SPOCK1: variants seen among roughly 807,000 people sequenced by gnomAD.
SPOCK1 encodes SPARC (osteonectin), cwcv and kazal like domains proteoglycan 1.
A neutral mutation model predicts 55.3 loss-of-function variants in SPOCK1; 23 were observed. That is an observed-to-expected ratio of 0.42 (90% CI 0.30 to 0.59). The LOEUF (loss-of-function observed/expected upper bound fraction) is 0.59, where lower values mean the gene tolerates loss of function less well. Among genes scored for constraint, SPOCK1 ranks in the 20% least tolerant of loss-of-function variants. The pLI is 0.22. For missense variants in SPOCK1, 499 were observed against 552.5 expected (o/e 0.90, Z 0.97); for synonymous variants, 226 against 221.0 (o/e 1.02, Z -0.20).
chr5:137,178,135 C>T (rs182383838), intron 3 of SPOCK1, among the ~76,000 whole-genome samples: 396 of 152,324 alleles, frequency 2.6e-3, no homozygotes, highest in Middle Eastern at 0.01. Flanking sequence ...CTCCAAGAAG[C>T]CTCCCAGATC....
intron 6 of SPOCK1, among the ~76,000 whole-genome samples, chr5:137,009,893 A>G (rs1295725060): frequency 6.6e-6 from 1 of 151,934 alleles, no homozygotes; most frequent in African/African-American, 2.4e-5. Context: ...CCTAATTTGT[A>G]AAAGGAGAAT....
At chr5:137,179,434 C>T (rs2127063296) in intron 3 of SPOCK1, among the ~76,000 whole-genome samples, 1 of 152,294 alleles carries the variant, frequency 6.6e-6, no homozygotes, top group Admixed American at 6.5e-5. Context: ...GAATTACAGG[C>T]TCCCAGGGCT....
intron 6 of SPOCK1, among the ~76,000 whole-genome samples, chr5:137,042,555 T>G (rs4035069): frequency 6.6e-6 from 1 of 152,032 alleles, no homozygotes; most frequent in Non-Finnish European, 1.5e-5. Flanking sequence ...ACCTGTGTAG[T>G]TTTGGAAATG....
chr5:137,009,265 G>A (rs1298659886), intron 6 of SPOCK1, among the ~76,000 whole-genome samples: 1 of 152,152 alleles, frequency 6.6e-6, no homozygotes, highest in Non-Finnish European at 1.5e-5. Context: ...ATTTGAAGTA[G>A]CATGTATAAG....
intron 4 of SPOCK1, among the ~76,000 whole-genome samples, chr5:137,137,505 C>T (rs1355802270): frequency 6.6e-6 from 1 of 152,170 alleles, no homozygotes; most frequent in Non-Finnish European, 1.5e-5. Flanking sequence ...GACATAACAA[C>T]CACAACAAAC....
chr5:137,149,299 T>C lies in SPOCK1; in HGVS notation c.233-8605A>G, dbSNP rs192516624. On this transcript the variant is annotated intron_variant, in intron 3 of 10. Transcript: ENST00000394945. ...CAGGAGCTGAGAATGGCCTGGCCTC[T>C]AAGTAGAGAAAAAGATATCATCCAC... Among the ~76,000 whole-genome samples, 3 of 152,340 alleles carry C rather than the reference T, an allele frequency of 2.0e-5. No homozygotes were observed. The East Asian group carries it at 5.8e-4, about 29-fold the overall frequency.
chr5:137,453,578 G>A (rs959268477), intron 2 of SPOCK1, among the ~76,000 whole-genome samples: 7 of 146,720 alleles, frequency 4.8e-5, no homozygotes, highest in South Asian at 4.2e-4. Flanking sequence ...GCCCAGCCAC[G>A]GGAATCTAGA....
chr5:137,023,376 G>C (rs3849043), intron 6 of SPOCK1, among the ~76,000 whole-genome samples: 12 of 152,196 alleles, frequency 7.9e-5, no homozygotes, highest in African/African-American at 1.9e-4. Context: ...CCCCAGTAGA[G>C]AGTAGGGACT....
chr5:137,456,903 C>A (rs1353357101), intron 2 of SPOCK1, among the ~76,000 whole-genome samples: 2 of 152,174 alleles, frequency 1.3e-5, no homozygotes, highest in African/African-American at 4.8e-5. Flanking sequence ...TGTTAATACA[C>A]ACTACCAACT....
At chr5:137,216,137 C>T (rs113679149) in intron 3 of SPOCK1, among the ~76,000 whole-genome samples, 1 of 152,218 alleles carries the variant, frequency 6.6e-6, no homozygotes, top group African/African-American at 2.4e-5. Context: ...GGAAAGGGGG[C>T]ACTGAGGTAG....
intron 3 of SPOCK1, among the ~76,000 whole-genome samples, chr5:137,248,110 G>A (rs1051793923): frequency 6.6e-6 from 1 of 152,144 alleles, no homozygotes; most frequent in Admixed American, 6.5e-5. Flanking sequence ...TAGAGGTGAA[G>A]GATTAGCTAC....
At chr5:137,370,695 G>A (rs1229703) in intron 2 of SPOCK1, among the ~76,000 whole-genome samples, 1 of 152,220 alleles carries the variant, frequency 6.6e-6, no homozygotes, top group African/African-American at 2.4e-5. Flanking sequence ...TGAAAAAGAA[G>A]ATCCTTTTCT....
chr5:137,419,081 T>C (rs1284498108), intron 2 of SPOCK1, among the ~76,000 whole-genome samples: 2 of 152,228 alleles, frequency 1.3e-5, no homozygotes, highest in Admixed American at 6.5e-5. Context: ...TGCTTGTTTT[T>C]GTCAAGTTTG....
At chr5:136,990,565 T>C (rs79999499) in intron 7 of SPOCK1, among the ~76,000 whole-genome samples, 3 of 151,864 alleles carry the variant, frequency 2.0e-5, no homozygotes, top group Non-Finnish European at 4.4e-5. Flanking sequence ...TTTTTTTTTT[T>C]CCAGAAGAGA....
intron 2 of SPOCK1, among the ~76,000 whole-genome samples, chr5:137,431,757 A>G (rs1752749575): frequency 6.6e-6 from 1 of 152,142 alleles, no homozygotes; most frequent in Non-Finnish European, 1.5e-5. Flanking sequence ...TTCCCCTTTG[A>G]CCTTCTCACT....
At chr5:137,246,906 G>A (rs1024535754) in intron 3 of SPOCK1, among the ~76,000 whole-genome samples, 3 of 152,188 alleles carry the variant, frequency 2.0e-5, no homozygotes, top group African/African-American at 7.2e-5. Flanking sequence ...TAGGTCTTTA[G>A]ATTACCTAAA....
intron 9 of SPOCK1, among the ~76,000 whole-genome samples, chr5:136,983,379 A>C (rs1580692689): frequency 6.6e-6 from 1 of 152,226 alleles, no homozygotes; most frequent in Admixed American, 6.5e-5. Flanking sequence ...AAATGAGACC[A>C]TGGAACACCA....
chr5:137,438,395 A>G (rs1213230574), intron 2 of SPOCK1, among the ~76,000 whole-genome samples: 1 of 152,190 alleles, frequency 6.6e-6, no homozygotes, highest in African/African-American at 2.4e-5. Flanking sequence ...CACCTTGCCT[A>G]ATAGAAGGAA....
intron 4 of SPOCK1, among the ~76,000 whole-genome samples, chr5:137,133,079 G>T (rs564911773): frequency 2.0e-5 from 3 of 152,286 alleles, no homozygotes; most frequent in Admixed American, 2.0e-4. Flanking sequence ...TTTTAAAAAT[G>T]TATTCGTAGG....
Sources: allele counts gnomAD v4.1 joint callset (sites outside exome capture counted in the v4.1 genomes callset), GRCh38; gene constraint gnomAD v4.1.1; transcripts MANE v1.5; gene names NCBI Gene and HGNC (gene_info 2026-07-23, HGNC 2026-07-21).